Variants in PIWIL4 observed in about 807,000 individuals in gnomAD.
PIWIL4 encodes piwi like RNA-mediated gene silencing 4.
PIWIL4 carries 50 observed loss-of-function variants against 100.9 expected under a neutral mutation model. The ratio of observed to expected loss-of-function variants is 0.50; its 90% CI spans 0.39 to 0.63. The LOEUF (loss-of-function observed/expected upper bound fraction) is 0.63, where lower values mean the gene tolerates loss of function less well. Ranked by LOEUF, PIWIL4 falls within the 20% of genes least tolerant of loss-of-function variation. The pLI is 0.00. For missense variants in PIWIL4, 887 were observed against 1,043.3 expected, an observed-to-expected ratio of 0.85 and a Z score of 2.06; for synonymous variants, 342 against 367.5, an observed-to-expected ratio of 0.93 and a Z score of 0.79.
intron 2 of PIWIL4, among the ~76,000 whole-genome samples, chr11:94,569,332 C>T (rs1040017570): frequency 9.9e-5 from 15 of 151,482 alleles, no homozygotes; most frequent in Non-Finnish European, 1.8e-4. Flanking sequence ...TGTCTTGTAG[C>T]AACATGGATG....
intron 13 of PIWIL4, among the ~76,000 whole-genome samples, chr11:94,605,932 A>G (rs1948710678): frequency 6.6e-6 from 1 of 152,166 alleles, no homozygotes; most frequent in South Asian, 2.1e-4. Context: ...CTTTCTGGCA[A>G]AATAAGATAT....
intron 11 of PIWIL4, among the ~76,000 whole-genome samples, chr11:94,598,491 G>A (rs906579599): frequency 2.0e-5 from 3 of 151,972 alleles, no homozygotes; most frequent in South Asian, 2.1e-4. Flanking sequence ...TCCAGACTTC[G>A]GCTGAAGAAA....
At chr11:94,579,101 A>G (rs926864976) in intron 4 of PIWIL4, among the ~76,000 whole-genome samples, 4 of 152,252 alleles carry the variant, frequency 2.6e-5, no homozygotes, top group Admixed American at 6.5e-5. Flanking sequence ...CATTTGGCCT[A>G]TGGCTTCAGA....
chr11:94,593,162 G>A (rs1948509495), intron 8 of PIWIL4, among the ~76,000 whole-genome samples: 1 of 152,084 alleles, frequency 6.6e-6, no homozygotes, highest in African/African-American at 2.4e-5. Context: ...GTTAAGCATG[G>A]GGCAGTCTAC....
At position 94,598,522 on chromosome 11, in the gene PIWIL4, G is replaced by A. The variant is rs112990010; in HGVS notation, c.1380+607G>A. On this transcript the variant is annotated intron_variant, in intron 11 of 19. Coordinates refer to ENST00000299001, the MANE Select transcript of PIWIL4 (RefSeq NM_152431.3). ...AGAAATGAACCTATTAATATTTTAC[G>A]CAAAAATTATACATTATCTTTCTCC... Among the ~76,000 whole-genome samples the A allele has an allele frequency of 1.1e-4, 16 of 151,980 alleles. No individual in the cohort carries two copies. In the East Asian group the frequency reaches 1.5e-3, roughly 15 times the overall value.
At chr11:94,617,204 T>TTA (rs141490057) in intron 16 of PIWIL4, among the ~76,000 whole-genome samples, 9,164 of 152,224 alleles carry the variant, frequency 0.06, 534 homozygotes, top group East Asian at 0.19. Context: ...GGTAATGGAC[T>TTA]TATATATATG....
chr11:94,597,741 T>G, intron 10 of PIWIL4, 63 bp from the exon 11 acceptor site: 1 of 1,198,286 alleles, frequency 8.3e-7, no homozygotes, highest in East Asian at 2.5e-5. Context: ...AATCAGCCCC[T>G]GACGAATTCA....
intron 4 of PIWIL4, among the ~76,000 whole-genome samples, chr11:94,580,947 G>A (rs1565271804): frequency 7.0e-6 from 1 of 143,104 alleles, no homozygotes; most frequent in Non-Finnish European, 1.5e-5. Context: ...CGCCCAGGCT[G>A]GAGTGCAATG....
chr11:94,605,004 A>G (rs532906539), intron 13 of PIWIL4, among the ~76,000 whole-genome samples: 1 of 152,314 alleles, frequency 6.6e-6, no homozygotes, highest in Non-Finnish European at 1.5e-5. Flanking sequence ...TTCACCCAGA[A>G]TCCCAAATTA....
intron 15 of PIWIL4, among the ~76,000 whole-genome samples, chr11:94,615,859 C>T (rs1277531615): frequency 6.6e-6 from 1 of 152,194 alleles, no homozygotes. Flanking sequence ...ACATACCTAA[C>T]ACAAAGTCAT....
At chr11:94,615,405 T>C (rs1948834639) in intron 15 of PIWIL4, among the ~76,000 whole-genome samples, 1 of 152,212 alleles carries the variant, frequency 6.6e-6, no homozygotes, top group African/African-American at 2.4e-5. Flanking sequence ...TTACCCTCTT[T>C]AATGCATCCA....
intron 19 of PIWIL4, 124 bp from the exon 20 acceptor site, chr11:94,620,752 C>A: frequency 1.5e-6 from 1 of 656,280 alleles, no homozygotes; most frequent in Non-Finnish European, 2.6e-6. Flanking sequence ...GTTGAGGTTA[C>A]CTGTTGTTTA....
chr11:94,580,914 TGG>T (rs1408533207), intron 4 of PIWIL4, among the ~76,000 whole-genome samples: 1 of 126,112 alleles, frequency 7.9e-6, no homozygotes, highest in Non-Finnish European at 1.7e-5. Context: ...TTTTTTTTTT[TGG>T]AGAAGGAGTT....
intron 13 of PIWIL4, among the ~76,000 whole-genome samples, chr11:94,605,536 G>T (rs1948704698): frequency 6.6e-6 from 1 of 152,184 alleles, no homozygotes; most frequent in African/African-American, 2.4e-5. Context: ...AGCTTTATCA[G>T]TTGCATGTGT....
At chr11:94,574,940 T>G in intron 2 of PIWIL4, 59 bp from the exon 3 acceptor site, 1 of 1,537,682 alleles carries the variant, frequency 6.5e-7, no homozygotes, top group Non-Finnish European at 8.9e-7. Flanking sequence ...ACATAGTAGT[T>G]GCAAACAGTA....
At chr11:94,572,895 A>T (rs1178149163) in intron 2 of PIWIL4, among the ~76,000 whole-genome samples, 1 of 152,220 alleles carries the variant, frequency 6.6e-6, no homozygotes, top group Middle Eastern at 3.2e-3. Context: ...GGCCGTTTTC[A>T]CGATATTGAT....
intron 5 of PIWIL4, among the ~76,000 whole-genome samples, chr11:94,584,160 G>C (rs1418607334): frequency 1.3e-5 from 2 of 152,182 alleles, no homozygotes; most frequent in Non-Finnish European, 2.9e-5. Context: ...AATCTAGTTA[G>C]TAAACAGAAG....
At chr11:94,610,338 A>G (rs1216568150) in intron 15 of PIWIL4, among the ~76,000 whole-genome samples, 2 of 152,092 alleles carry the variant, frequency 1.3e-5, no homozygotes, top group African/African-American at 2.4e-5. Flanking sequence ...TGACATACTG[A>G]TTTCTTTTCC....
chr11:94,583,604 A>G, intron 5 of PIWIL4, 35 bp downstream of exon 5: 1 of 1,611,986 alleles, frequency 6.2e-7, no homozygotes, highest in Non-Finnish European at 8.5e-7. Flanking sequence ...AATTTGGGCT[A>G]ATGATACCTT....
Sources: gnomAD v4.1 joint callset for allele counts (sites outside exome capture counted in the v4.1 genomes callset) on GRCh38, gnomAD v4.1.1 for gene constraint, MANE v1.5 for transcripts, NCBI Gene and HGNC (gene_info 2026-07-23, HGNC 2026-07-21) for gene names.